Variants in NKAIN2 observed in about 807,000 individuals in gnomAD.
NKAIN2 encodes the protein sodium/potassium-transporting ATPase subunit beta-1-interacting protein 2.
In NKAIN2, 14 loss-of-function variants were observed where a neutral mutation model predicts 32.6. The ratio of observed to expected loss-of-function variants is 0.43; its 90% CI spans 0.28 to 0.67. The LOEUF is 0.67. Among genes scored for constraint, NKAIN2 ranks in the 30% least tolerant of loss-of-function variants. The pLI, the probability that NKAIN2 is intolerant of heterozygous loss-of-function variation, is 0.17. For synonymous variants in NKAIN2, 80 were observed against 87.2 expected (o/e 0.92, Z 0.46); for missense variants, 198 against 258.3 (o/e 0.77, Z 1.60).
chr6:123,939,221 G>A (rs757910645), intron 1 of NKAIN2, among the ~76,000 whole-genome samples: 6 of 151,860 alleles, frequency 4.0e-5, no homozygotes, highest in Non-Finnish European at 7.4e-5. Context: ...CTGAACTGGA[G>A]CCCAAAAATA....
At chr6:124,707,102 G>A (rs1775126234) in intron 4 of NKAIN2, among the ~76,000 whole-genome samples, 1 of 148,996 alleles carries the variant, frequency 6.7e-6, no homozygotes, top group Admixed American at 6.9e-5. Context: ...TTGGTTTTTT[G>A]TTCTTGCGAT....
At chr6:124,322,579 A>G (rs72963896) in intron 2 of NKAIN2, among the ~76,000 whole-genome samples, 4,978 of 152,282 alleles carry the variant, frequency 0.033, 82 homozygotes, top group Non-Finnish European at 0.039. Context: ...TCATTAATTT[A>G]TTCTTCATAT....
At chr6:124,563,923 C>T (rs1780801055) in intron 3 of NKAIN2, among the ~76,000 whole-genome samples, 1 of 152,086 alleles carries the variant, frequency 6.6e-6, no homozygotes, top group African/African-American at 2.4e-5. Context: ...GGCGGGAATG[C>T]AGCGAGTCAT....
At chr6:124,521,469 G>A (rs533988833) in intron 3 of NKAIN2, among the ~76,000 whole-genome samples, 1 of 152,114 alleles carries the variant, frequency 6.6e-6, no homozygotes, top group South Asian at 2.1e-4. Context: ...ATGTTCCTGT[G>A]TCATCTAGCC....
chr6:124,134,124 T>TAAA (rs35419422), intron 1 of NKAIN2, among the ~76,000 whole-genome samples: 5 of 145,866 alleles, frequency 3.4e-5, no homozygotes, highest in East Asian at 2.0e-4. Flanking sequence ...TAAAAGAAAT[T>TAAA]AAAAAAAAAA....
intron 1 of NKAIN2, among the ~76,000 whole-genome samples, chr6:123,960,277 C>A (rs780474130): frequency 6.6e-6 from 1 of 152,158 alleles, no homozygotes; most frequent in Non-Finnish European, 1.5e-5. Context: ...TAAATGCTAA[C>A]GGGCATCCAT....
Position 124,811,260 on chromosome 6 carries a change from A to T in NKAIN2, c.536-7127A>T, listed in dbSNP as rs192955922. Among the ~76,000 whole-genome samples, 20 of 152,282 alleles carry T rather than the reference A, an allele frequency of 1.3e-4. No individual in the cohort carries two copies. In the East Asian group the frequency reaches 3.7e-3, roughly 28 times the overall value. Reference sequence around the variant, plus strand: ...AATATTCAGGCTTAGCTTCCTATGAACTGCCTGTTAAATTTTCCCTTCATG... The same window carrying T: ...AATATTCAGGCTTAGCTTCCTATGATCTGCCTGTTAAATTTTCCCTTCATG... On this transcript the variant is annotated intron_variant, in intron 5 of 6. Transcript: ENST00000368417.
At chr6:124,069,005 C>T (rs1225091161) in intron 1 of NKAIN2, among the ~76,000 whole-genome samples, 1 of 152,068 alleles carries the variant, frequency 6.6e-6, no homozygotes, top group African/African-American at 2.4e-5. Context: ...ATTTTAGCTC[C>T]TGTCAGACAA....
chr6:124,223,325 G>A (rs1342340132), intron 1 of NKAIN2, among the ~76,000 whole-genome samples: 2 of 151,682 alleles, frequency 1.3e-5, no homozygotes, highest in South Asian at 2.1e-4. Flanking sequence ...GAGAAATAAG[G>A]CATGTTTGTA....
In NKAIN2 at chr6:124,825,004, T is replaced by A. The variant is rs985022395; in HGVS notation, c.*1775T>A. The A allele has an allele frequency of 6.6e-6, 1 of 152,656 alleles. No homozygotes were observed. Among genetic ancestry groups the A allele is most frequent in the African/African-American group, 2.4e-5 (1 of 41,474 alleles). The allele number at this position is 152,656 out of a possible 1,614,324, so 9.5% of individuals were successfully genotyped here. On this transcript the variant is annotated 3_prime_UTR_variant, in exon 7 of 7. Coordinates refer to ENST00000368417, the MANE Select transcript of NKAIN2 (RefSeq NM_001040214.3). ...GGTTGTATGTTTGTCCATACATACA[T>A]GTATAAAATAAACAATTGCAAACAT...
intron 1 of NKAIN2, among the ~76,000 whole-genome samples, chr6:123,814,889 T>C (rs566048484): frequency 1.9e-4 from 29 of 152,214 alleles, no homozygotes; most frequent in Non-Finnish European, 3.5e-4. Flanking sequence ...AACATTTGCC[T>C]GGAATGGTTC....
intron 1 of NKAIN2, among the ~76,000 whole-genome samples, chr6:124,071,352 C>T (rs533366605): frequency 2.0e-5 from 3 of 151,952 alleles, no homozygotes; most frequent in Non-Finnish European, 4.4e-5. Context: ...AATGTAAGAC[C>T]TCAAACTATA....
chr6:124,257,898 C>T (rs1794027077), intron 1 of NKAIN2, among the ~76,000 whole-genome samples: 1 of 151,314 alleles, frequency 6.6e-6, no homozygotes, highest in Non-Finnish European at 1.5e-5. Context: ...CCTACCTCAG[C>T]CTCCCAAGTA....
intron 1 of NKAIN2, among the ~76,000 whole-genome samples, chr6:124,183,767 A>C (rs1431611090): frequency 1.3e-5 from 2 of 152,154 alleles, no homozygotes. Flanking sequence ...AAATATCAGA[A>C]TGTGGTAGAT....
intron 3 of NKAIN2, among the ~76,000 whole-genome samples, chr6:124,364,237 C>CA (rs1554288849): frequency 0.028 from 1,282 of 45,092 alleles, 28 homozygotes; most frequent in African/African-American, 0.086. Flanking sequence ...TTAAAAATAC[C>CA]AAAAAAAAAA....
intron 3 of NKAIN2, among the ~76,000 whole-genome samples, chr6:124,560,553 A>G (rs1583440494): frequency 6.6e-6 from 1 of 152,236 alleles, no homozygotes; most frequent in African/African-American, 2.4e-5. Context: ...ATGTAGCCCT[A>G]GTAAAGTTAT....
At chr6:124,525,720 T>C (rs1779286641) in intron 3 of NKAIN2, among the ~76,000 whole-genome samples, 1 of 152,180 alleles carries the variant, frequency 6.6e-6, no homozygotes, top group Non-Finnish European at 1.5e-5. Context: ...TGTTTTATAC[T>C]ATTAAATTAC....
intron 2 of NKAIN2, among the ~76,000 whole-genome samples, chr6:124,300,177 G>C (rs542406983): frequency 6.0e-5 from 9 of 149,718 alleles, no homozygotes; most frequent in Admixed American, 1.3e-4. Flanking sequence ...TGTGTCAAGT[G>C]GGGGGGCCAG....
intron 4 of NKAIN2, among the ~76,000 whole-genome samples, chr6:124,690,689 G>A (rs1020834051): frequency 2.0e-5 from 3 of 152,028 alleles, no homozygotes; most frequent in Non-Finnish European, 4.4e-5. Flanking sequence ...CTCTTAGTAC[G>A]TATTCTTTCT....
Sources: gnomAD v4.1 joint callset for allele counts (sites outside exome capture counted in the v4.1 genomes callset) on GRCh38, gnomAD v4.1.1 for gene constraint, MANE v1.5 for transcripts, NCBI Gene and HGNC (gene_info 2026-07-23, HGNC 2026-07-21) for gene names.